Variants in MMD2 observed in about 807,000 individuals in gnomAD.
MMD2 encodes the protein monocyte to macrophage differentiation factor 2.
In MMD2, 30 loss-of-function variants were observed where a neutral mutation model predicts 33.5. The observed-to-expected ratio is 0.90, with a 90% CI of 0.67 to 1.22. The LOEUF (loss-of-function observed/expected upper bound fraction) is 1.22. Among genes scored for constraint, MMD2 ranks in the 50% most tolerant of loss-of-function variants. MMD2 has a pLI of 0.00. For synonymous variants in MMD2, 129 were observed against 123.0 expected (o/e 1.05, Z -0.32); for missense variants, 364 against 325.4 (o/e 1.12, Z -0.91).
At chr7:4,898,006 G>A in the MMD2 span, among the ~76,000 whole-genome samples, 1 of 152,134 alleles carries the variant, frequency 6.6e-6, no homozygotes, top group Non-Finnish European at 1.5e-5. Context: ...CCAAAGTGCT[G>A]GGATTACAGG....
At chr7:4,947,512 G>C (rs1786121173) in intron 1 of MMD2, among the ~76,000 whole-genome samples, 1 of 150,800 alleles carries the variant, frequency 6.6e-6, no homozygotes, top group South Asian at 2.1e-4. Context: ...TCCTGCCTCA[G>C]CCTCCCGAGT....
chr7:4,899,223 G>A, the MMD2 span, among the ~76,000 whole-genome samples: 21 of 152,040 alleles, frequency 1.4e-4, no homozygotes, highest in Admixed American at 2.6e-4. Flanking sequence ...CCAGAACCGT[G>A]AGAAATAAAT....
Position 4,907,071 on chromosome 7 carries a change from C to T in MMD2, c.*325G>A, listed in dbSNP as rs1160755242. The T allele has an allele frequency of 2.9e-6, 1 of 340,964 alleles. No individual in the cohort carries two copies. The highest frequency in any genetic ancestry group is 5.5e-6 in the Non-Finnish European group (1 of 182,826). 21.1% of individuals were successfully genotyped at this position (340,964 alleles called of 1,614,324 possible). On this transcript the variant is annotated 3_prime_UTR_variant, in exon 7 of 7. Coordinates refer to ENST00000401401, the MANE Select transcript of MMD2 (RefSeq NM_198403.4). ...CCAGATTCTTCAGGACCTTAGGAAA[C>T]ACAGATTGGCCCGTCATTCCCCAAT...
At chr7:4,939,742 CTT>C (rs71032999) in intron 1 of MMD2, among the ~76,000 whole-genome samples, 68 of 141,824 alleles carry the variant, frequency 4.8e-4, no homozygotes, top group East Asian at 2.8e-3. Flanking sequence ...TTCTTTCTTT[CTT>C]TTTTTTTTTT....
chr7:4,925,462 C>A lies in MMD2; in HGVS notation c.118G>T (p.Ala40Ser), dbSNP rs756023807. Residue 40 changes from alanine to serine, a missense_variant, in exon 2 of 7, where the codon GCC (alanine) becomes TCC (serine). Physicochemically the swap from Ala to Ser is moderately conservative, Grantham distance 99. Coordinates refer to ENST00000401401, the MANE Select transcript of MMD2 (RefSeq NM_198403.4). The part of the protein sequence containing the change: ...PTEYEHAANC[A>S]THAFWIIPSI... Reference sequence around the variant, plus strand: ...AAAAGCCAACTCACAGCATGGGTGGCACAGTTGGCCGCATGTTCATACTCT... The same window carrying A: ...AAAAGCCAACTCACAGCATGGGTGGAACAGTTGGCCGCATGTTCATACTCT... The A allele has an allele frequency of 1.3e-6, 2 of 1,560,696 alleles. No homozygotes were observed. Among genetic ancestry groups the A allele is most frequent in the African/African-American group, 2.8e-5 (2 of 72,446 alleles).
intron 1 of MMD2, among the ~76,000 whole-genome samples, chr7:4,952,348 G>A (rs914039898): frequency 1.1e-4 from 16 of 152,240 alleles, no homozygotes; most frequent in African/African-American, 3.9e-4. Context: ...TGCTGATGAA[G>A]TGGGGGTTTC....
intron 1 of MMD2, among the ~76,000 whole-genome samples, chr7:4,926,319 C>G (rs1222759102): frequency 1.3e-5 from 2 of 151,892 alleles, no homozygotes; most frequent in Non-Finnish European, 2.9e-5. Flanking sequence ...CAGGCTGGTC[C>G]CGAACTCCAA....
the MMD2 span, among the ~76,000 whole-genome samples, chr7:4,900,808 T>G: frequency 6.6e-6 from 1 of 152,136 alleles, no homozygotes; most frequent in Non-Finnish European, 1.5e-5. Flanking sequence ...CACCTTGCTC[T>G]TCCTGCTAGG....
intron 4 of MMD2, among the ~76,000 whole-genome samples, chr7:4,914,015 GGT>G (rs1403204728): frequency 1.3e-5 from 2 of 152,042 alleles, no homozygotes; most frequent in South Asian, 4.2e-4. Flanking sequence ...TTAGAGACCG[GGT>G]GTCACTCTCC....
intron 1 of MMD2, among the ~76,000 whole-genome samples, chr7:4,936,809 A>G (rs55862927): frequency 0.21 from 31,606 of 151,868 alleles, 4,477 homozygotes; most frequent in African/African-American, 0.39. Flanking sequence ...ATCTCAGCTC[A>G]GTGCAACTTC....
Position 4,946,566 on chromosome 7 carries a change from TGA to T in MMD2, c.47+12403_47+12404del, listed in dbSNP as rs1786093086. ...ACCAATGGATGCTAAGACCACCAGG[TGA>T]GAGGCTGCTGAGTAATAGGATGCTG... On this transcript the variant is annotated intron_variant, in intron 1 of 6. Coordinates refer to ENST00000401401, the MANE Select transcript of MMD2 (RefSeq NM_198403.4). This position sits in a 1 kb window ranked among gnomAD's most constrained non-coding sequence, Gnocchi z 5.0. Among the ~76,000 whole-genome samples the T allele has an allele frequency of 6.6e-6, 1 of 152,076 alleles. No homozygotes were observed. The highest frequency in any genetic ancestry group is 2.1e-4 in the South Asian group (1 of 4,838).
At chr7:4,905,085 G>A (rs1562472293), downstream of MMD2, among the ~76,000 whole-genome samples, 1 of 152,204 alleles carries the variant, frequency 6.6e-6, no homozygotes, top group Non-Finnish European at 1.5e-5. The surrounding 1 kb of genome is among the most constrained non-coding windows in gnomAD (Gnocchi z 5.0). Flanking sequence ...GGAGCAGGCT[G>A]TCCTGGGGAA....
In MMD2 at chr7:4,946,810, C is replaced by A. The variant is rs1457241217; in HGVS notation, c.47+12161G>T. On this transcript the variant is annotated intron_variant, in intron 1 of 6. Transcript: ENST00000401401. This position sits in a 1 kb window ranked among gnomAD's most constrained non-coding sequence, Gnocchi z 5.0. ...GCAGTGGTGCAATCATAGCTCACTG[C>A]AGCCTCGAATTCCTGGGCTCAACGG... 6.6e-6 allele frequency among the ~76,000 whole-genome samples: 1 copy of A among 152,168 alleles called. No homozygotes were observed. Among genetic ancestry groups the A allele is most frequent in the Admixed American group, 6.6e-5 (1 of 15,260 alleles).
At chr7:4,945,917 A>G (rs562983293) in intron 1 of MMD2, among the ~76,000 whole-genome samples, 1 of 152,186 alleles carries the variant, frequency 6.6e-6, no homozygotes, top group Non-Finnish European at 1.5e-5. Flanking sequence ...AAAATTCCAA[A>G]GCAGAGAGCT....
chr7:4,919,401 T>G (rs1785218237), intron 3 of MMD2, among the ~76,000 whole-genome samples: 1 of 151,960 alleles, frequency 6.6e-6, no homozygotes. Flanking sequence ...GAACCCCATC[T>G]CTACAAAAAG....
downstream of MMD2, among the ~76,000 whole-genome samples, chr7:4,905,078 G>A (rs1784843816): frequency 6.6e-6 from 1 of 152,216 alleles, no homozygotes; most frequent in Non-Finnish European, 1.5e-5. This position sits in a 1 kb window ranked among gnomAD's most constrained non-coding sequence, Gnocchi z 5.0. Flanking sequence ...GCATGAAGGA[G>A]CAGGCTGTCC....
chr7:4,926,703 C>T (rs1785437053), intron 1 of MMD2, among the ~76,000 whole-genome samples: 1 of 152,110 alleles, frequency 6.6e-6, no homozygotes, highest in African/African-American at 2.4e-5. Context: ...TTGCGAGATT[C>T]ATCCACATTT....
At chr7:4,905,725 G>T (rs187656660), downstream of MMD2, among the ~76,000 whole-genome samples, 64 of 152,190 alleles carry the variant, frequency 4.2e-4, no homozygotes, top group African/African-American at 1.5e-3. The surrounding 1 kb of genome is among the most constrained non-coding windows in gnomAD (Gnocchi z 5.0). Flanking sequence ...ATTTGGGAAC[G>T]AGTCTCTCTC....
Position 4,907,066 on chromosome 7 carries a change from G to C in MMD2, c.*330C>G. 2.9e-6 allele frequency: 1 copy of C among 339,056 alleles called. No individual in the cohort carries two copies. The highest frequency in any genetic ancestry group is 3.2e-5 in the South Asian group (1 of 30,930). 21.0% of individuals were successfully genotyped at this position (339,056 alleles called of 1,614,324 possible). The stretch of plus-strand genomic sequence containing the variant: ...CTTTGCCAGATTCTTCAGGACCTTA[G>C]GAAACACAGATTGGCCCGTCATTCC... On this transcript the variant is annotated 3_prime_UTR_variant, in exon 7 of 7. Coordinates refer to ENST00000401401, the MANE Select transcript of MMD2 (RefSeq NM_198403.4).
Sources: allele counts gnomAD v4.1 joint callset (sites outside exome capture counted in the v4.1 genomes callset), GRCh38; gene constraint gnomAD v4.1.1; non-coding constraint Gnocchi (gnomAD v3.1); transcripts MANE v1.5; gene names NCBI Gene and HGNC (gene_info 2026-07-23, HGNC 2026-07-21).